Variants in PGAP4 observed in about 807,000 individuals in gnomAD.
The protein encoded by PGAP4 is post-GPI attachment to proteins GalNAc transferase 4.
A neutral mutation model predicts 28.2 loss-of-function variants in PGAP4; 12 were observed. The observed-to-expected ratio is 0.42, with a 90% CI of 0.27 to 0.69. The LOEUF is 0.69. Ranked by LOEUF, PGAP4 falls within the 30% of genes least tolerant of loss-of-function variation. The pLI, the probability that PGAP4 is intolerant of heterozygous loss-of-function variation, is 0.22. For synonymous variants in PGAP4, 205 were observed against 211.8 expected (o/e 0.97, Z 0.28); for missense variants, 425 against 513.5 (o/e 0.83, Z 1.67).
At chr9:101,503,977 C>A (rs1473052692) in intron 2 of PGAP4, among the ~76,000 whole-genome samples, 1 of 151,962 alleles carries the variant, frequency 6.6e-6, no homozygotes, top group African/African-American at 2.4e-5. Context: ...GTAGTCCATG[C>A]TAAGTACCAC....
At chr9:101,491,955 G>A (rs914301898), upstream of PGAP4, among the ~76,000 whole-genome samples, 3 of 150,764 alleles carry the variant, frequency 2.0e-5, no homozygotes, top group South Asian at 6.3e-4. Context: ...AATTGTTGGG[G>A]GTAGTGTTCT....
At chr9:101,496,086 A>T (rs971475900) in intron 2 of PGAP4, among the ~76,000 whole-genome samples, 45 of 151,654 alleles carry the variant, frequency 3.0e-4, no homozygotes, top group Non-Finnish European at 4.9e-4. Flanking sequence ...AGTTTTGGTT[A>T]TATGGAACAA....
At chr9:101,527,735 T>C (rs1827047782) in intron 2 of PGAP4, among the ~76,000 whole-genome samples, 1 of 152,240 alleles carries the variant, frequency 6.6e-6, no homozygotes, top group South Asian at 2.1e-4. Context: ...AACAAAAATA[T>C]ACTTACAAAT....
chr9:101,509,143 T>TG (rs896368040), intron 2 of PGAP4, among the ~76,000 whole-genome samples: 1 of 152,188 alleles, frequency 6.6e-6, no homozygotes, highest in African/African-American at 2.4e-5. Flanking sequence ...CTTCCCAGTC[T>TG]GGGGGTCTTT....
chr9:101,494,769 G>A (rs1337438019), intron 2 of PGAP4, among the ~76,000 whole-genome samples: 1 of 151,472 alleles, frequency 6.6e-6, no homozygotes, highest in Non-Finnish European at 1.5e-5. Flanking sequence ...GAATAGCCAT[G>A]GTCAAAATCT....
At chr9:101,524,951 G>C (rs1687259296) in intron 2 of PGAP4, among the ~76,000 whole-genome samples, 2 of 152,318 alleles carry the variant, frequency 1.3e-5, no homozygotes, top group Non-Finnish European at 2.9e-5. Context: ...ACGCTGCTCT[G>C]TCCGGAGCGG....
chr9:101,511,306 T>A (rs1826896478), intron 2 of PGAP4, among the ~76,000 whole-genome samples: 1 of 152,092 alleles, frequency 6.6e-6, no homozygotes, highest in South Asian at 2.1e-4. Flanking sequence ...AAGGACCTGT[T>A]ACCAGTCCAG....
At chr9:101,489,728 T>C (rs1324427974), upstream of PGAP4, among the ~76,000 whole-genome samples, 1 of 152,168 alleles carries the variant, frequency 6.6e-6, no homozygotes, top group Non-Finnish European at 1.5e-5. Context: ...GCAATCCATG[T>C]AGCTCAAATT....
intron 2 of PGAP4, among the ~76,000 whole-genome samples, chr9:101,503,950 A>G (rs538644796): frequency 6.6e-6 from 1 of 152,180 alleles, no homozygotes; most frequent in Admixed American, 6.6e-5. Flanking sequence ...CTAGACCCAA[A>G]TGGATCAAAC....
At chr9:101,511,159 A>C (rs187830948) in intron 2 of PGAP4, among the ~76,000 whole-genome samples, 1 of 152,304 alleles carries the variant, frequency 6.6e-6, no homozygotes, top group East Asian at 1.9e-4. Flanking sequence ...ATGAGAATCT[A>C]ATGCTGCTGC....
chr9:101,489,204 C>T (rs1007412725), upstream of PGAP4: 1 of 151,972 alleles, frequency 6.6e-6, no homozygotes, highest in Non-Finnish European at 1.5e-5. Flanking sequence ...TATATTTCTT[C>T]TCAAAGCAAA....
In PGAP4 at chr9:101,475,630, G is replaced by C. The variant is rs1208097462; in HGVS notation, c.*251C>G. On this transcript the variant is annotated 3_prime_UTR_variant, in exon 2 of 2. Coordinates refer to ENST00000374848, the MANE Select transcript of PGAP4 (RefSeq NM_032342.3). ...CAGTGTTCAAATGCACCCTCACTGGGTGGGTCAGACTGCATGAGGCAGTGT... is the reference window on the plus strand; with the variant it reads ...CAGTGTTCAAATGCACCCTCACTGGCTGGGTCAGACTGCATGAGGCAGTGT... 1 of 530,046 alleles carries C rather than the reference G, an allele frequency of 1.9e-6. No individual in the cohort carries two copies. Among genetic ancestry groups the C allele is most frequent in the Non-Finnish European group, 3.3e-6 (1 of 299,082 alleles). 32.8% of individuals were successfully genotyped at this position (530,046 alleles called of 1,614,324 possible).
At chr9:101,509,730 G>A (rs1372742319) in intron 2 of PGAP4, among the ~76,000 whole-genome samples, 1 of 152,108 alleles carries the variant, frequency 6.6e-6, no homozygotes, top group East Asian at 1.9e-4. Flanking sequence ...CTCTATGGAT[G>A]ACATGGTGCA....
intron 2 of PGAP4, among the ~76,000 whole-genome samples, chr9:101,506,812 T>C (rs1238976094): frequency 6.6e-6 from 1 of 152,122 alleles, no homozygotes; most frequent in Non-Finnish European, 1.5e-5. Flanking sequence ...TAATAGAAGA[T>C]TCAATTGCTC....
intron 1 of PGAP4, among the ~76,000 whole-genome samples, chr9:101,483,183 C>A (rs926301371): frequency 2.0e-5 from 3 of 152,134 alleles, no homozygotes; most frequent in Admixed American, 6.5e-5. Context: ...CAGAACTATG[C>A]ATAGAAGATG....
At chr9:101,526,708 C>T (rs1827038499) in intron 2 of PGAP4, among the ~76,000 whole-genome samples, 1 of 152,182 alleles carries the variant, frequency 6.6e-6, no homozygotes, top group Non-Finnish European at 1.5e-5. Flanking sequence ...CTTGACCTTC[C>T]CAACTCCTGG....
chr9:101,477,000 T>C lies in PGAP4; in HGVS notation c.93A>G (p.Thr31=). ...GGGCCAGCAGGCCAAACGTCACCACTGTTAGGATGAAGAGCTGGACAGCAG... is the reference window on the plus strand; with the variant it reads ...GGGCCAGCAGGCCAAACGTCACCACCGTTAGGATGAAGAGCTGGACAGCAG... The part of the protein sequence containing the change: ...GSTAVQLFIL[T]VVTFGLLAPL... Residue 31 remains threonine, a synonymous_variant, in exon 2 of 2, where the codon ACA becomes ACG. Coordinates refer to ENST00000374848, the MANE Select transcript of PGAP4 (RefSeq NM_032342.3). The surrounding 1 kb of genome is among the most constrained non-coding windows in gnomAD (Gnocchi z 7.0). 6.2e-7 allele frequency: 1 copy of C among 1,613,874 alleles called. No homozygotes were observed. Among genetic ancestry groups the C allele is most frequent in the Non-Finnish European group, 8.5e-7 (1 of 1,179,978 alleles).
At chr9:101,518,625 G>C (rs1826960409) in intron 2 of PGAP4, among the ~76,000 whole-genome samples, 1 of 152,072 alleles carries the variant, frequency 6.6e-6, no homozygotes, top group South Asian at 2.1e-4. Flanking sequence ...TCTCATCTAG[G>C]TCTCTGCGAA....
At chr9:101,504,227 T>C (rs1467163779) in intron 2 of PGAP4, among the ~76,000 whole-genome samples, 1 of 142,826 alleles carries the variant, frequency 7.0e-6, no homozygotes, top group Non-Finnish European at 1.5e-5. Context: ...TTTTTTTTTT[T>C]TTTTTTTTTT....
Sources: gnomAD v4.1 joint callset for allele counts (sites outside exome capture counted in the v4.1 genomes callset) on GRCh38, gnomAD v4.1.1 for gene constraint, Gnocchi (gnomAD v3.1) non-coding constraint, MANE v1.5 for transcripts, NCBI Gene and HGNC (gene_info 2026-07-23, HGNC 2026-07-21) for gene names.